The following LMTK2 variants were observed in gnomAD, a reference collection of about 807,000 sequenced individuals.
LMTK2 encodes serine/threonine-protein kinase LMTK2.
In LMTK2, 37 loss-of-function variants were observed where a neutral mutation model predicts 127.5. The ratio of observed to expected loss-of-function variants is 0.29; its 90% CI spans 0.22 to 0.38. The LOEUF (loss-of-function observed/expected upper bound fraction) is 0.38. Ranked by LOEUF, LMTK2 falls within the 10% of genes least tolerant of loss-of-function variation. The pLI, the probability that LMTK2 is intolerant of heterozygous loss-of-function variation, is 1.00. For missense variants in LMTK2, 1,694 were observed against 1,920.3 expected, an observed-to-expected ratio of 0.88 and a Z score of 2.20; for synonymous variants, 819 against 810.1, an observed-to-expected ratio of 1.01 and a Z score of -0.19.
chr7:98,115,413 G>A (rs563007117), intron 1 of LMTK2, among the ~76,000 whole-genome samples: 241 of 150,952 alleles, frequency 1.6e-3, no homozygotes, highest in African/African-American at 5.5e-3. Context: ...GAGACTCAAA[G>A]AAAGAGAAAA....
intron 5 of LMTK2, among the ~76,000 whole-genome samples, chr7:98,156,911 C>T (rs951431699): frequency 6.6e-6 from 1 of 152,060 alleles, no homozygotes; most frequent in African/African-American, 2.4e-5. Context: ...TAGATGAGGC[C>T]CACCATTGTT....
Position 98,193,153 on chromosome 7 carries a change from C to G in LMTK2, c.2688C>G (p.Leu896=). Residue 896 remains leucine, a synonymous_variant, in exon 11 of 14, where the codon CTC becomes CTG. Transcript: ENST00000297293. The surrounding 1 kb of genome is among the most constrained non-coding windows in gnomAD (Gnocchi z 4.1). The part of the protein sequence containing the change: ...SPGESEETLR[L]TESDSVLADD... ...GCGAGAGTGAGGAGACCCTGCGACT[C>G]ACCGAAAGTGACTCTGTTCTTGCTG... 1.9e-6 allele frequency: 3 copies of G among 1,613,668 alleles called. No individual in the cohort carries two copies. The highest frequency in any genetic ancestry group is 2.5e-6 in the Non-Finnish European group (3 of 1,180,026).
chr7:98,203,912 A>G (rs778293162), intron 12 of LMTK2, 32 bp from the exon 13 acceptor site: 2 of 1,610,282 alleles, frequency 1.2e-6, no homozygotes, highest in Non-Finnish European at 1.7e-6. Flanking sequence ...ACGCAGTGAT[A>G]AAAAGGGTGG....
chr7:98,190,980 T>C, intron 10 of LMTK2, 103 bp downstream of exon 10: 2 of 1,099,142 alleles, frequency 1.8e-6, no homozygotes, highest in Non-Finnish European at 2.7e-6. Context: ...CTTCATTTCC[T>C]CTTTCACCAT....
In LMTK2 at chr7:98,137,448, C is replaced by CACAG; in HGVS notation, c.231+8_231+11dup. ...ACCCAGAAATAGACTTTAAGGTGAG[C>CACAG]ACAGAGGGTAGGAACATTTAAAATG... On this transcript the variant is annotated splice_region_variant and intron_variant, in intron 2 of 13. Coordinates refer to ENST00000297293, the MANE Select transcript of LMTK2 (RefSeq NM_014916.4). The CACAG allele has an allele frequency of 6.8e-6, 11 of 1,609,550 alleles. No individual in the cohort carries two copies. The highest frequency in any genetic ancestry group is 9.3e-6 in the Non-Finnish European group (11 of 1,178,352).
At position 98,193,201 on chromosome 7, in the gene LMTK2, G is replaced by A; in HGVS notation, c.2736G>A (p.Val912=). Reference sequence around the variant, plus strand: ...CTGATGACATCCTTGCCAGCAGGGTGAGTGTAGGGAGTAGTCTCCCGGAAC... The same window carrying A: ...CTGATGACATCCTTGCCAGCAGGGTAAGTGTAGGGAGTAGTCTCCCGGAAC... The part of the protein sequence containing the change: ...VLADDILASR[V]SVGSSLPELG... Residue 912 remains valine (V), a synonymous_variant, in exon 11 of 14, where the codon GTG becomes GTA. Transcript: ENST00000297293. This position sits in a 1 kb window ranked among gnomAD's most constrained non-coding sequence, Gnocchi z 4.1. 6.2e-7 allele frequency: 1 copy of A among 1,613,736 alleles called. No individual in the cohort carries two copies. Among genetic ancestry groups the A allele is most frequent in the Non-Finnish European group, 8.5e-7 (1 of 1,180,000 alleles).
At chr7:98,158,874 T>C (rs1378028540) in intron 5 of LMTK2, among the ~76,000 whole-genome samples, 2 of 152,114 alleles carry the variant, frequency 1.3e-5, no homozygotes, top group African/African-American at 4.8e-5. Context: ...TAAAATATTA[T>C]CTCCTAACTT....
intron 7 of LMTK2, among the ~76,000 whole-genome samples, chr7:98,178,454 A>G (rs938538360): frequency 2.0e-5 from 3 of 152,152 alleles, no homozygotes; most frequent in African/African-American, 7.2e-5. Flanking sequence ...TGCGGCCCTG[A>G]GTCTCATGGT....
chr7:98,169,046 A>T (rs113989017), intron 6 of LMTK2, among the ~76,000 whole-genome samples: 1 of 152,174 alleles, frequency 6.6e-6, no homozygotes, highest in Admixed American at 6.5e-5. Context: ...CTTGCTTAAC[A>T]TAAACATTTT....
At position 98,205,955 on chromosome 7, in the gene LMTK2, G is replaced by A. The variant is rs1275102146; in HGVS notation, c.*463G>A. The A allele has an allele frequency of 1.2e-5, 2 of 161,858 alleles. No homozygotes were observed. Among genetic ancestry groups the A allele is most frequent in the Non-Finnish European group, 2.7e-5 (2 of 73,874 alleles). The allele number at this position is 161,858 out of a possible 1,614,324, so 10.0% of individuals were successfully genotyped here. A position where few individuals can be genotyped will look rare whatever the true frequency, so the allele number is the denominator to read the frequency against. On this transcript the variant is annotated 3_prime_UTR_variant, in exon 14 of 14. Coordinates refer to ENST00000297293, the MANE Select transcript of LMTK2 (RefSeq NM_014916.4). ...TATTTATTATTTCTAGAGAAATCAC[G>A]AACTGCTTTCTGTAATTGCACTGTG... is the stretch of plus-strand genomic sequence containing the variant.
intron 10 of LMTK2, among the ~76,000 whole-genome samples, chr7:98,191,272 G>A (rs1797519636): frequency 6.6e-6 from 1 of 152,036 alleles, no homozygotes; most frequent in South Asian, 2.1e-4. Context: ...TAACTGATTC[G>A]GCCAGGCACA....
chr7:98,209,622 T>C lies in LMTK2; in HGVS notation c.*4130T>C, dbSNP rs1797861913. On this transcript the variant is annotated 3_prime_UTR_variant, in exon 14 of 14. Coordinates refer to ENST00000297293, the MANE Select transcript of LMTK2 (RefSeq NM_014916.4). ...TTAATATTCAAAATAAATATAGTTA[T>C]ATATTTATAAACTCTGTTGGCCGCG... is the stretch of plus-strand genomic sequence containing the variant. The C allele has an allele frequency of 6.6e-6, 1 of 152,216 alleles. No homozygotes were observed. The highest frequency in any genetic ancestry group is 1.5e-5 in the Non-Finnish European group (1 of 68,038). The allele number at this position is 152,216 out of a possible 1,614,324, so 9.4% of individuals were successfully genotyped here.
intron 1 of LMTK2, among the ~76,000 whole-genome samples, chr7:98,110,062 T>C (rs999682651): frequency 1.3e-5 from 2 of 152,154 alleles, no homozygotes; most frequent in Admixed American, 6.5e-5. Flanking sequence ...CAAATAAGGA[T>C]AGACCCATTT....
At chr7:98,162,609 C>A (rs1039480334) in intron 6 of LMTK2, among the ~76,000 whole-genome samples, 2 of 152,174 alleles carry the variant, frequency 1.3e-5, no homozygotes, top group African/African-American at 4.8e-5. Context: ...GAGCTCTGGT[C>A]GCCATCAAAA....
intron 3 of LMTK2, among the ~76,000 whole-genome samples, chr7:98,150,249 A>G (rs1057322833): frequency 6.6e-6 from 1 of 151,068 alleles, no homozygotes; most frequent in Non-Finnish European, 1.5e-5. Context: ...CGTAGGTTGC[A>G]GTGAGCTGAG....
Position 98,193,404 on chromosome 7 carries a change from A to G in LMTK2, c.2939A>G (p.Glu980Gly). 6.2e-7 allele frequency: 1 copy of G among 1,614,126 alleles called. No individual in the cohort carries two copies. The highest frequency in any genetic ancestry group is 1.7e-5 in the Admixed American group (1 of 60,010). ...TCAACCAGTCAGGACAGCCTCCTGG[A>G]GGACAGCTTGTCAGCACCCTTCCCA... ...SDSTSQDSLL[E>G]DSLSAPFPAS... The change falls in exon 11 of 14, where the codon GAG (glutamate) becomes GGG (glycine). Residue 980 changes from glutamate to glycine, a missense_variant. Physicochemically the swap from Glu to Gly is moderately conservative, Grantham distance 98. This residue lies in a region of LMTK2 where 527 missense variants were observed against 539.8 expected (regional missense o/e 0.98). Coordinates refer to ENST00000297293, the MANE Select transcript of LMTK2 (RefSeq NM_014916.4). This position sits in a 1 kb window ranked among gnomAD's most constrained non-coding sequence, Gnocchi z 4.1.
chr7:98,110,823 A>G (rs1218430949), intron 1 of LMTK2, among the ~76,000 whole-genome samples: 2 of 152,200 alleles, frequency 1.3e-5, no homozygotes, highest in Admixed American at 1.3e-4. Flanking sequence ...GACCTCACGG[A>G]AGCCCGTGAA....
intron 5 of LMTK2, among the ~76,000 whole-genome samples, chr7:98,157,607 C>T (rs1796946438): frequency 7.1e-6 from 1 of 141,626 alleles, no homozygotes; most frequent in African/African-American, 2.7e-5. Context: ...TTCAGCAAAG[C>T]AGTACACATT....
At chr7:98,126,204 G>A (rs1360249715) in intron 1 of LMTK2, among the ~76,000 whole-genome samples, 5 of 152,166 alleles carry the variant, frequency 3.3e-5, no homozygotes, top group Non-Finnish European at 5.9e-5. Context: ...CAGCTGTATT[G>A]TGCAGAAGTT....
Sources: allele counts gnomAD v4.1 joint callset (sites outside exome capture counted in the v4.1 genomes callset), GRCh38; gene constraint gnomAD v4.1.1; regional missense constraint gnomAD v4.1.1; non-coding constraint Gnocchi (gnomAD v3.1); transcripts MANE v1.5; gene names NCBI Gene and HGNC (gene_info 2026-07-23, HGNC 2026-07-21).